The following REX1BD variants were observed in gnomAD, a reference collection of about 807,000 sequenced individuals.
REX1BD encodes required for excision 1-B domain containing.
A neutral mutation model predicts 24.4 loss-of-function variants in REX1BD; 22 were observed. The observed-to-expected ratio is 0.90, with a 90% CI of 0.64 to 1.29. The LOEUF is 1.29. REX1BD is among the 50% of genes most tolerant of loss of function. REX1BD has a pLI of 0.00. For synonymous variants in REX1BD, 146 were observed against 125.9 expected, an observed-to-expected ratio of 1.16 and a Z score of -1.07; for missense variants, 293 against 285.3, an observed-to-expected ratio of 1.03 and a Z score of -0.19.
chr19:18,591,958 T>C (rs546824915), intron 4 of REX1BD, 150 bp from the exon 5 acceptor site: 2 of 795,774 alleles, frequency 2.5e-6, no homozygotes, highest in Non-Finnish European at 4.1e-6. Context: ...AGCACCTAAG[T>C]GTTCCCTCTT....
In REX1BD at chr19:18,589,064, C is replaced by T; in HGVS notation, c.169C>T (p.Arg57Cys). ...QLQAERAQGF[R>C]RLEEWLAPVQ... ...GCAGGCTGAGCGCGCGCAGGGCTTC[C>T]GCCGACTGGAGGAGTGAGTGGGGGC... Residue 57 changes from arginine (R) to cysteine (C), a missense_variant, in exon 2 of 5, where the codon CGC becomes TGC. Arg to Cys is a radical substitution (Grantham distance 180, BLOSUM62 -3). Transcript: ENST00000358607. 6.6e-7 allele frequency: 1 copy of T among 1,517,646 alleles called. No individual in the cohort carries two copies. The highest frequency in any genetic ancestry group is 8.8e-7 in the Non-Finnish European group (1 of 1,139,346). The allele number at this position is 1,517,646 out of a possible 1,614,324, so 94.0% of individuals were successfully genotyped here. A position where few individuals can be genotyped will look rare whatever the true frequency, so the allele number is the denominator to read the frequency against.
chr19:18,591,783 C>T lies in REX1BD; in HGVS notation c.534-325C>T, dbSNP rs1437929815. 1.2e-5 allele frequency: 4 copies of T among 329,196 alleles called. No individual in the cohort carries two copies. The East Asian group carries it at 1.8e-4, about 15-fold the overall frequency. The allele number at this position is 329,196 out of a possible 1,614,324, so 20.4% of individuals were successfully genotyped here. A position where few individuals can be genotyped will look rare whatever the true frequency, so the allele number is the denominator to read the frequency against. ...CTAATTCTTGTATTTTTAGTAGAGA[C>T]GGGGATTCGCCATGTTGGCCAGGCT... is the stretch of plus-strand genomic sequence containing the variant. On this transcript the variant is annotated intron_variant, in intron 4 of 4. Coordinates refer to ENST00000358607, the MANE Select transcript of REX1BD (RefSeq NM_001100418.2).
rs1435227626 is a variant in REX1BD, at chr19:18,589,486, C to G, written c.256C>G (p.Arg86Gly). The G allele has an allele frequency of 6.4e-7, 1 of 1,563,904 alleles. No homozygotes were observed. The highest frequency in any genetic ancestry group is 1.9e-5 in the Admixed American group (1 of 53,266). Residue 86 changes from arginine (R) to glycine (G), a missense_variant, in exon 3 of 5, where the codon CGC becomes GGC. Coordinates refer to ENST00000358607, the MANE Select transcript of REX1BD (RefSeq NM_001100418.2). The stretch of plus-strand genomic sequence containing the variant: ...GGTCCCCACATGCCGCAGAGGCCAC[C>G]GCCAGTACCTGCGCAGCGGCCCTGA... Reference protein sequence around the residue: ...LRVPTCRRGHRQYLRSGPDYD... With the variant: ...LRVPTCRRGHGQYLRSGPDYD...
intron 2 of REX1BD, 125 bp from the exon 3 acceptor site, chr19:18,589,288 T>G: frequency 6.5e-7 from 1 of 1,539,400 alleles, no homozygotes; most frequent in Non-Finnish European, 8.7e-7. Flanking sequence ...CTTCGTGGCT[T>G]CTCTCTCCTC....
intron 3 of REX1BD, chr19:18,590,638 T>TCGCGC (rs1976021319): frequency 1.9e-6 from 1 of 520,308 alleles, no homozygotes; most frequent in Non-Finnish European, 3.4e-6. Flanking sequence ...CACGCCCACA[T>TCGCGC]CGCGCTCAGC....
At chr19:18,592,034 C>T (rs2145322862) in intron 4 of REX1BD, 74 bp from the exon 5 acceptor site, 11 of 1,571,286 alleles carry the variant, frequency 7.0e-6, no homozygotes, top group Non-Finnish European at 7.9e-6. Context: ...CAGCCACAGC[C>T]CTCTTGCAGC....
intron 2 of REX1BD, 55 bp downstream of exon 2, chr19:18,589,132 G>A: frequency 3.4e-6 from 5 of 1,464,802 alleles, no homozygotes; most frequent in Non-Finnish European, 4.5e-6. Flanking sequence ...CTCCGGGCGT[G>A]GGCGTGTTCT....
chr19:18,590,831 C>G (rs758608906), intron 3 of REX1BD, 23 bp from the exon 4 acceptor site: 6 of 1,592,446 alleles, frequency 3.8e-6, no homozygotes, highest in Non-Finnish European at 5.1e-6. Flanking sequence ...AGACATCCTT[C>G]GTGTTGCTCA....
chr19:18,591,886 G>A, intron 4 of REX1BD: 1 of 577,590 alleles, frequency 1.7e-6, no homozygotes, highest in Non-Finnish European at 3.1e-6. Context: ...GAGCCACCAT[G>A]CCCAGCCCAG....
chr19:18,589,771 T>A, intron 3 of REX1BD, 88 bp downstream of exon 3: 4 of 1,422,050 alleles, frequency 2.8e-6, no homozygotes, highest in Non-Finnish European at 2.7e-6. Flanking sequence ...GTGGTCCCAG[T>A]ATCCCATACA....
At position 18,589,491 on chromosome 19, in the gene REX1BD, G is replaced by A. The variant is rs536711183; in HGVS notation, c.261G>A (p.Gln87=). 2 of 1,567,014 alleles carry A rather than the reference G, an allele frequency of 1.3e-6. No homozygotes were observed. The highest frequency in any genetic ancestry group is 1.2e-5 in the South Asian group (1 of 85,676). The part of the protein sequence containing the change: ...RVPTCRRGHR[Q]YLRSGPDYDF... Reference sequence around the variant, plus strand: ...CCACATGCCGCAGAGGCCACCGCCAGTACCTGCGCAGCGGCCCTGACTACG... The same window carrying A: ...CCACATGCCGCAGAGGCCACCGCCAATACCTGCGCAGCGGCCCTGACTACG... Residue 87 remains glutamine (Q), a synonymous_variant, in exon 3 of 5, where the codon CAG becomes CAA. Transcript: ENST00000358607.
chr19:18,589,232 C>A, intron 2 of REX1BD, 155 bp downstream of exon 2: 1 of 1,523,838 alleles, frequency 6.6e-7, no homozygotes. Context: ...TCCTCACCTT[C>A]ACGAAAAAGG....
intron 3 of REX1BD, 72 bp from the exon 4 acceptor site, chr19:18,590,782 G>T (rs1420894179): frequency 6.8e-6 from 10 of 1,467,966 alleles, no homozygotes; most frequent in African/African-American, 1.4e-5. Flanking sequence ...GTTTTTTCCT[G>T]AACATCCTTG....
At chr19:18,589,901 A>T (rs1976002868) in intron 3 of REX1BD, 1 of 619,314 alleles carries the variant, frequency 1.6e-6, no homozygotes, top group African/African-American at 2.0e-5. Flanking sequence ...CCTTATTCCC[A>T]GAGCACTCCC....
At chr19:18,590,824 CA>C (rs1318427113) in intron 3 of REX1BD, 29 bp from the exon 4 acceptor site, 1 of 1,585,114 alleles carries the variant, frequency 6.3e-7, no homozygotes, top group Non-Finnish European at 8.6e-7. Flanking sequence ...CTCGTGGAGA[CA>C]TCCTTCGTGT....
chr19:18,592,239 C>A lies in REX1BD; in HGVS notation c.*59C>A. 3 of 1,594,322 alleles carry A rather than the reference C, an allele frequency of 1.9e-6. No individual in the cohort carries two copies. The highest frequency in any genetic ancestry group is 2.6e-6 in the Non-Finnish European group (3 of 1,163,194). ...GGAAACGGGGCGGATGGCGCCCAGC[C>A]CAGCCCTAACTGCCAGCTGGCTGGG... On this transcript the variant is annotated 3_prime_UTR_variant, in exon 5 of 5. Coordinates refer to ENST00000358607, the MANE Select transcript of REX1BD (RefSeq NM_001100418.2).
In REX1BD at chr19:18,590,940, G is replaced by T. The variant is rs781227605; in HGVS notation, c.533+7G>T. 6 of 1,553,918 alleles carry T rather than the reference G, an allele frequency of 3.9e-6. No homozygotes were observed. Among genetic ancestry groups the T allele is most frequent in the Non-Finnish European group, 5.2e-6 (6 of 1,149,734 alleles). On this transcript the variant is annotated splice_region_variant and intron_variant, in intron 4 of 4. Transcript: ENST00000358607. Reference sequence around the variant, plus strand: ...TGCAGCAGCTGAAAATGAAGTGAGCGCTGCTGCCCAAGCCGCCTGGCTATG... The same window carrying T: ...TGCAGCAGCTGAAAATGAAGTGAGCTCTGCTGCCCAAGCCGCCTGGCTATG...
chr19:18,590,816 C>A, intron 3 of REX1BD, 38 bp from the exon 4 acceptor site: 1 of 1,572,248 alleles, frequency 6.4e-7, no homozygotes, highest in South Asian at 1.2e-5. Flanking sequence ...GGGTTCTGCT[C>A]GTGGAGACAT....
chr19:18,588,952 G>A, intron 1 of REX1BD, 43 bp from the exon 2 acceptor site: 1 of 1,524,034 alleles, frequency 6.6e-7, no homozygotes, highest in Non-Finnish European at 8.8e-7. Flanking sequence ...CGCAGACCCA[G>A]GGGCGCGGGC....
Sources: allele counts gnomAD v4.1 joint callset, GRCh38; gene constraint gnomAD v4.1.1; transcripts MANE v1.5; gene names NCBI Gene and HGNC (gene_info 2026-07-23, HGNC 2026-07-21).